Variants in ITPR2 observed in about 807,000 individuals in gnomAD.
ITPR2 encodes the protein inositol 1,4,5-trisphosphate-gated calcium channel ITPR2.
Under a neutral mutation model 317.1 loss-of-function variants are expected in ITPR2, and 207 were observed. That is an observed-to-expected ratio of 0.65 (90% CI 0.58 to 0.73). The LOEUF (loss-of-function observed/expected upper bound fraction) is 0.73, where lower values mean the gene tolerates loss of function less well. Among genes scored for constraint, ITPR2 ranks in the 30% least tolerant of loss-of-function variants. The pLI, the probability that ITPR2 is intolerant of heterozygous loss-of-function variation, is 0.00. For missense variants in ITPR2, 2,613 were observed against 3,284.0 expected (o/e 0.80, Z 4.99); for synonymous variants, 1,156 against 1,149.1 (o/e 1.01, Z -0.12).
At chr12:26,797,682 C>CTTT (rs71069269) in intron 1 of ITPR2, among the ~76,000 whole-genome samples, 2 of 71,906 alleles carry the variant, frequency 2.8e-5, no homozygotes, top group Non-Finnish European at 2.4e-5. Flanking sequence ...ATGGAATTGT[C>CTTT]TTTTTTTTTT....
At chr12:26,405,880 C>T (rs549243295) in intron 52 of ITPR2, among the ~76,000 whole-genome samples, 1 of 152,270 alleles carries the variant, frequency 6.6e-6, no homozygotes. Context: ...ATCACTTGAA[C>T]CTGGGAAGTG....
intron 2 of ITPR2, among the ~76,000 whole-genome samples, chr12:26,777,693 T>G (rs1441074312): frequency 1.5e-5 from 2 of 135,326 alleles, no homozygotes; most frequent in African/African-American, 5.3e-5. Context: ...TAATTTGAAT[T>G]ATAAAACAGA....
chr12:26,605,120 A>AAAT lies in ITPR2; in HGVS notation c.3463-2415_3463-2414insATT, dbSNP rs1465336732. 1.4e-3 allele frequency among the ~76,000 whole-genome samples: 142 copies of AAAT among 104,250 alleles called. 4 individuals carry two copies. The highest frequency in any genetic ancestry group is 8.5e-3 in the East Asian group (40 of 4,708). The allele number at this position is 104,250 out of a possible 152,430, so 68.4% of individuals were successfully genotyped here. A position where few individuals can be genotyped will look rare whatever the true frequency, so the allele number is the denominator to read the frequency against. ...AAAAAAATAAAAATAAAAAATAAAA[A>AAAT]ATAAAAATATATATATATATATGAG... On this transcript the variant is annotated intron_variant, in intron 26 of 56. Coordinates refer to ENST00000381340, the MANE Select transcript of ITPR2 (RefSeq NM_002223.4).
At chr12:26,479,225 T>G (rs1942491160) in intron 43 of ITPR2, among the ~76,000 whole-genome samples, 1 of 151,404 alleles carries the variant, frequency 6.6e-6, no homozygotes, top group Admixed American at 6.6e-5. Flanking sequence ...TGTCATATTT[T>G]TAAAAGGTAG....
chr12:26,600,920 CT>C (rs1945985311), intron 28 of ITPR2, among the ~76,000 whole-genome samples: 1 of 152,122 alleles, frequency 6.6e-6, no homozygotes, highest in South Asian at 2.1e-4. Flanking sequence ...CCACCTATTT[CT>C]TTTTCTTTTC....
intron 37 of ITPR2, among the ~76,000 whole-genome samples, chr12:26,518,328 T>C (rs1158922400): frequency 6.6e-6 from 1 of 152,098 alleles, no homozygotes; most frequent in African/African-American, 2.4e-5. Flanking sequence ...TGAGTACATA[T>C]GAACACAAAG....
chr12:26,427,997 A>C lies in ITPR2; in HGVS notation c.6861T>G (p.Ile2287Met). The C allele has an allele frequency of 6.2e-7, 1 of 1,613,324 alleles. No homozygotes were observed. Among genetic ancestry groups the C allele is most frequent in the Non-Finnish European group, 8.5e-7 (1 of 1,179,528 alleles). ...GCATTATTGATACAAGAAACGGCCG[A>C]ATACCCACAGGCTTGGAGAAGAAAA... Reference protein sequence around the residue: ...MLFFFSKPVGIRPFLVSIMLR... With the variant: ...MLFFFSKPVGMRPFLVSIMLR... Residue 2287 changes from isoleucine (I) to methionine (M), a missense_variant, in exon 49 of 57, where the codon ATT (isoleucine) becomes ATG (methionine). By Grantham distance (10) the Ile-to-Met change is conservative. Transcript: ENST00000381340.
At chr12:26,830,910 A>C (rs1194127763) in intron 1 of ITPR2, among the ~76,000 whole-genome samples, 1 of 152,222 alleles carries the variant, frequency 6.6e-6, no homozygotes, top group Non-Finnish European at 1.5e-5. Context: ...CAACCCTATG[A>C]GGTAGAAACC....
At chr12:26,430,564 G>A (rs879628550) in intron 48 of ITPR2, among the ~76,000 whole-genome samples, 3 of 152,124 alleles carry the variant, frequency 2.0e-5, no homozygotes, top group Non-Finnish European at 4.4e-5. Context: ...TCGCTGAGCT[G>A]ACAGTACAGA....
At chr12:26,673,533 T>A (rs1947838799) in intron 13 of ITPR2, among the ~76,000 whole-genome samples, 1 of 151,104 alleles carries the variant, frequency 6.6e-6, no homozygotes, top group Non-Finnish European at 1.5e-5. Flanking sequence ...TAGGTATTGA[T>A]GGGACGTATC....
At chr12:26,477,142 C>A in intron 43 of ITPR2, 135 bp from the exon 44 acceptor site, 2 of 572,602 alleles carry the variant, frequency 3.5e-6, no homozygotes, top group Non-Finnish European at 6.2e-6. Context: ...TTTCATTTGT[C>A]TTGTTAACAT....
At chr12:26,830,023 C>T (rs1377969316) in intron 1 of ITPR2, among the ~76,000 whole-genome samples, 1 of 152,226 alleles carries the variant, frequency 6.6e-6, no homozygotes, top group Non-Finnish European at 1.5e-5. Flanking sequence ...CCTGCCTCAG[C>T]CTCCCGAGTA....
At chr12:26,357,830 C>T (rs1938689460) in intron 55 of ITPR2, among the ~76,000 whole-genome samples, 1 of 152,184 alleles carries the variant, frequency 6.6e-6, no homozygotes, top group Non-Finnish European at 1.5e-5. Context: ...GCCCATGTGG[C>T]CATCAGCTGC....
At chr12:26,652,927 G>A (rs566030282) in intron 21 of ITPR2, among the ~76,000 whole-genome samples, 12 of 152,188 alleles carry the variant, frequency 7.9e-5, no homozygotes, top group East Asian at 5.8e-4. Context: ...CAAGACAATC[G>A]TCATAAAAAC....
rs1375025274 is a variant in ITPR2 at position 26,617,684 on chromosome 12, G to GAAGGAGGGAAGGAAGGAGGGAAGA, written c.3462+3438_3462+3439insTCTTCCCTCCTTCCTTCCCTCCTT. Among the ~76,000 whole-genome samples the GAAGGAGGGAAGGAAGGAGGGAAGA allele has an allele frequency of 3.5e-5, 5 of 140,848 alleles. No homozygotes were observed. In the East Asian group the frequency reaches 1.1e-3, roughly 32 times the overall value. 92.4% of individuals were successfully genotyped at this position (140,848 alleles called of 152,430 possible). On this transcript the variant is annotated intron_variant, in intron 26 of 56. Coordinates refer to ENST00000381340, the MANE Select transcript of ITPR2 (RefSeq NM_002223.4). Reference sequence around the variant, plus strand: ...GGAGGGAGGGAAGGAAGGAGGGAAGGAAGGAGGGAAGGAAGGAGAGAAGGA... The same window carrying GAAGGAGGGAAGGAAGGAGGGAAGA: ...GGAGGGAGGGAAGGAAGGAGGGAAGGAAGGAGGGAAGGAAGGAGGGAAGAAAGGAGGGAAGGAAGGAGAGAAGGA...
At chr12:26,563,269 T>A (rs1158980829) in intron 34 of ITPR2, among the ~76,000 whole-genome samples, 1 of 152,136 alleles carries the variant, frequency 6.6e-6, no homozygotes, top group African/African-American at 2.4e-5. Context: ...GCAGAGACCA[T>A]CAAGTAAGAG....
At chr12:26,781,933 G>C (rs562037313) in intron 2 of ITPR2, among the ~76,000 whole-genome samples, 1 of 148,740 alleles carries the variant, frequency 6.7e-6, no homozygotes, top group Non-Finnish European at 1.5e-5. Context: ...TTGGGACTCA[G>C]ATGGCCTATT....
intron 26 of ITPR2, among the ~76,000 whole-genome samples, chr12:26,603,725 AG>A (rs1213246686): frequency 6.6e-6 from 1 of 152,248 alleles, no homozygotes; most frequent in Non-Finnish European, 1.5e-5. Flanking sequence ...CTGTCTACTT[AG>A]GCATAAAGGA....
chr12:26,472,868 T>G (rs915903225), intron 45 of ITPR2, among the ~76,000 whole-genome samples: 36 of 150,016 alleles, frequency 2.4e-4, no homozygotes, highest in African/African-American at 8.0e-4. Context: ...CTGTACTCTG[T>G]TTTTTTTTGT....
Sources: allele counts gnomAD v4.1 joint callset (sites outside exome capture counted in the v4.1 genomes callset), GRCh38; gene constraint gnomAD v4.1.1; transcripts MANE v1.5; gene names NCBI Gene and HGNC (gene_info 2026-07-23, HGNC 2026-07-21).